Variants in TGIF1 observed in about 807,000 individuals in gnomAD.
TGIF1 encodes TGFB induced factor homeobox 1.
A neutral mutation model predicts 19.3 loss-of-function variants in TGIF1; 4 were observed. The observed-to-expected ratio is 0.21, with a 90% CI of 0.10 to 0.47. TGIF1 has a LOEUF of 0.47. TGIF1 is among the 20% of genes least tolerant of loss of function. The probability of loss-of-function intolerance (pLI) is 0.98; values close to 1 mark genes in which losing one functional copy is unlikely to be tolerated. For missense variants in TGIF1, 275 were observed against 341.4 expected, an observed-to-expected ratio of 0.81 and a Z score of 1.53; for synonymous variants, 122 against 129.3, an observed-to-expected ratio of 0.94 and a Z score of 0.38.
intron 2 of TGIF1, among the ~76,000 whole-genome samples, chr18:3,437,704 A>G (rs1357615135): frequency 6.6e-6 from 1 of 152,204 alleles, no homozygotes; most frequent in Non-Finnish European, 1.5e-5. Flanking sequence ...CTTCTTGGAA[A>G]CTCAGCAAAA....
At position 3,456,089 on chromosome 18, in the gene TGIF1, A is replaced by T. The variant is rs74669006; in HGVS notation, c.17-265A>T. On this transcript the variant is annotated intron_variant, in intron 1 of 2. Transcript: ENST00000343820. The surrounding 1 kb of genome is among the most constrained non-coding windows in gnomAD (Gnocchi z 4.2). Reference sequence around the variant, plus strand: ...TAGACGAAAGAGTTTTCTGACCATCATTCAAAAGGAATGTGAGAAGTTAAT... The same window carrying T: ...TAGACGAAAGAGTTTTCTGACCATCTTTCAAAAGGAATGTGAGAAGTTAAT... The T allele has an allele frequency of 7.7e-3, 3,966 of 516,842 alleles. 122 individuals carry two copies. The highest frequency in any genetic ancestry group is 0.069 in the African/African-American group (3,626 of 52,370). 32.0% of individuals were successfully genotyped at this position (516,842 alleles called of 1,614,324 possible). A position where few individuals can be genotyped will look rare whatever the true frequency, so the allele number is the denominator to read the frequency against.
At chr18:3,426,410 C>G (rs1318550674) in intron 2 of TGIF1, among the ~76,000 whole-genome samples, 1 of 152,088 alleles carries the variant, frequency 6.6e-6, no homozygotes, top group Non-Finnish European at 1.5e-5. Flanking sequence ...CTCCAGCGAT[C>G]CGCCTGCCTC....
chr18:3,449,308 A>T, upstream of TGIF1: 1 of 804,112 alleles, frequency 1.2e-6, no homozygotes, highest in Non-Finnish European at 1.5e-6. Context: ...GTCACCCCTT[A>T]GCTATAAAAG....
In TGIF1 at chr18:3,456,876, T is replaced by A. The variant is rs2049373930; in HGVS notation, c.243+296T>A. 3.3e-6 allele frequency: 2 copies of A among 603,470 alleles called. No individual in the cohort carries two copies. Among genetic ancestry groups the A allele is most frequent in the South Asian group, 4.1e-5 (2 of 48,640 alleles). 37.4% of individuals were successfully genotyped at this position (603,470 alleles called of 1,614,324 possible). ...TATTGTCCAGGAAACTGGTTTGATA[T>A]TTAAACAAGGACGACTTCAGTGAGG... On this transcript the variant is annotated intron_variant, in intron 2 of 2. Coordinates refer to ENST00000343820, the MANE Select transcript of TGIF1 (RefSeq NM_003244.4). This position sits in a 1 kb window ranked among gnomAD's most constrained non-coding sequence, Gnocchi z 4.2.
intron 2 of TGIF1, among the ~76,000 whole-genome samples, chr18:3,444,282 TTTTC>T (rs1274437069): frequency 1.5e-4 from 16 of 107,810 alleles, no homozygotes; most frequent in Non-Finnish European, 2.6e-4. Flanking sequence ...TCTCACTTTC[TTTTC>T]TTTTTTTTTT....
At chr18:3,445,944 C>T (rs1038689600), upstream of TGIF1, among the ~76,000 whole-genome samples, 4 of 151,688 alleles carry the variant, frequency 2.6e-5, no homozygotes, top group Non-Finnish European at 5.9e-5. Flanking sequence ...ACAAGATTTC[C>T]CAGAGACCAC....
At chr18:3,432,144 A>AAAAAAAAAAAAAAAAAAAAAG (rs199561203) in intron 2 of TGIF1, among the ~76,000 whole-genome samples, 2 of 138,464 alleles carry the variant, frequency 1.4e-5, no homozygotes, top group Admixed American at 7.4e-5. Flanking sequence ...AAAAAAAAAA[A>AAAAAAAAAAAAAAAAAAAAAG]CACTAAGAAA....
intron 2 of TGIF1, among the ~76,000 whole-genome samples, chr18:3,430,974 T>A (rs1480320506): frequency 6.6e-6 from 1 of 152,146 alleles, no homozygotes; most frequent in Non-Finnish European, 1.5e-5. Context: ...GTCTGTATGA[T>A]CTGAAATGAC....
At chr18:3,443,438 G>T (rs986408884) in intron 2 of TGIF1, among the ~76,000 whole-genome samples, 1 of 150,662 alleles carries the variant, frequency 6.6e-6, no homozygotes. Context: ...ATAGGGTTTC[G>T]CTCTTGTCTC....
chr18:3,450,634 T>C (rs2143309333), intron 1 of TGIF1, 129 bp downstream of exon 1: 2 of 1,523,100 alleles, frequency 1.3e-6, no homozygotes, highest in African/African-American at 1.4e-5. Flanking sequence ...GTGGCGGCCG[T>C]GCTCTTTGTT....
At chr18:3,449,538 T>TGCGC, upstream of TGIF1, 1 of 961,946 alleles carries the variant, frequency 1.0e-6, no homozygotes, top group Non-Finnish European at 1.2e-6. Flanking sequence ...GTCTCATCAT[T>TGCGC]CCCCCCCGCC....
At chr18:3,454,954 A>G (rs767948982) in intron 1 of TGIF1, among the ~76,000 whole-genome samples, 4 of 152,226 alleles carry the variant, frequency 2.6e-5, no homozygotes, top group South Asian at 4.1e-4. Context: ...TTTAAAAAAC[A>G]CGGTGTTTAG....
chr18:3,423,514 C>T (rs2082433213), intron 2 of TGIF1, among the ~76,000 whole-genome samples: 1 of 151,940 alleles, frequency 6.6e-6, no homozygotes, highest in Admixed American at 6.6e-5. Flanking sequence ...CCCGTCTCTA[C>T]TAAAAAAATA....
At chr18:3,419,407 C>G (rs1472389406) in intron 2 of TGIF1, among the ~76,000 whole-genome samples, 1 of 152,186 alleles carries the variant, frequency 6.6e-6, no homozygotes, top group Non-Finnish European at 1.5e-5. Flanking sequence ...TTTCCTTGAC[C>G]TTCAGCAACC....
upstream of TGIF1, among the ~76,000 whole-genome samples, chr18:3,445,888 C>G (rs2082739351): frequency 6.6e-6 from 1 of 150,580 alleles, no homozygotes; most frequent in Admixed American, 6.6e-5. Context: ...CTGGCATAAT[C>G]TGAGGTTAGT....
At chr18:3,423,320 GA>G (rs2082429812) in intron 2 of TGIF1, among the ~76,000 whole-genome samples, 1 of 152,096 alleles carries the variant, frequency 6.6e-6, no homozygotes, top group African/African-American at 2.4e-5. Context: ...GCTGTGGCAG[GA>G]GGGTCCCTTG....
intron 1 of TGIF1, chr18:3,412,354 G>A (rs2082282156): frequency 6.6e-6 from 1 of 151,764 alleles, no homozygotes; most frequent in African/African-American, 2.4e-5. Flanking sequence ...ACCAGGTAAA[G>A]ATTTTCATTA....
intron 1 of TGIF1, chr18:3,415,533 T>G (rs1056256921): frequency 4.2e-5 from 18 of 423,672 alleles, no homozygotes; most frequent in Non-Finnish European, 8.1e-5. Context: ...CAGCACCCCC[T>G]TTAGAGCCCG....
chr18:3,436,634 C>T (rs1465967606), intron 2 of TGIF1, among the ~76,000 whole-genome samples: 1 of 151,608 alleles, frequency 6.6e-6, no homozygotes, highest in Admixed American at 6.6e-5. Context: ...GCCTGGCCAA[C>T]GTGGTGAAAG....
Sources: allele counts gnomAD v4.1 joint callset (sites outside exome capture counted in the v4.1 genomes callset), GRCh38; gene constraint gnomAD v4.1.1; non-coding constraint Gnocchi (gnomAD v3.1); transcripts MANE v1.5; gene names NCBI Gene and HGNC (gene_info 2026-07-23, HGNC 2026-07-21).